The following TUT4 variants were observed in gnomAD, a reference collection of about 807,000 sequenced individuals.
TUT4 encodes the protein terminal uridylyltransferase 4.
TUT4 carries 36 observed loss-of-function variants against 192.2 expected under a neutral mutation model. That is an observed-to-expected ratio of 0.19 (90% CI 0.14 to 0.25). TUT4 has a LOEUF of 0.25. Among genes scored for constraint, TUT4 ranks in the 10% least tolerant of loss-of-function variants. The pLI is 1.00. For synonymous variants in TUT4, 618 were observed against 666.0 expected, an observed-to-expected ratio of 0.93 and a Z score of 1.11; for missense variants, 1,493 against 1,957.2, an observed-to-expected ratio of 0.76 and a Z score of 4.47.
At chr1:52,471,622 T>C (rs569021335) in intron 14 of TUT4, among the ~76,000 whole-genome samples, 23 of 152,250 alleles carry the variant, frequency 1.5e-4, no homozygotes, top group African/African-American at 5.1e-4. Flanking sequence ...ACTTGAGATA[T>C]GTCTAGTATA....
At chr1:52,533,963 C>T (rs770489776) in intron 1 of TUT4, among the ~76,000 whole-genome samples, 1 of 151,920 alleles carries the variant, frequency 6.6e-6, no homozygotes, top group Non-Finnish European at 1.5e-5. Context: ...GCGACTCAGT[C>T]TCAAAAAAAG....
chr1:52,486,085 A>G (rs1372460906), intron 9 of TUT4, among the ~76,000 whole-genome samples: 1 of 152,176 alleles, frequency 6.6e-6, no homozygotes, highest in African/African-American at 2.4e-5. Flanking sequence ...ACAAGGGTAA[A>G]CTGCCTAATG....
intron 20 of TUT4, among the ~76,000 whole-genome samples, chr1:52,448,022 C>T (rs1456481665): frequency 6.6e-6 from 1 of 152,126 alleles, no homozygotes; most frequent in Non-Finnish European, 1.5e-5. Flanking sequence ...CATGTCTGGC[C>T]CCTCCAATTT....
chr1:52,440,796 G>A (rs1455265174), intron 24 of TUT4, among the ~76,000 whole-genome samples: 2 of 152,086 alleles, frequency 1.3e-5, no homozygotes, highest in Non-Finnish European at 2.9e-5. Context: ...TGTAATATAC[G>A]TACTTACATA....
chr1:52,441,344 T>C (rs1054954207), intron 24 of TUT4, among the ~76,000 whole-genome samples: 6 of 149,900 alleles, frequency 4.0e-5, no homozygotes, highest in Non-Finnish European at 7.4e-5. Flanking sequence ...AGTGCAGTGC[T>C]GCAATCTCAG....
chr1:52,515,524 G>C, intron 3 of TUT4: 1 of 329,280 alleles, frequency 3.0e-6, no homozygotes, highest in Non-Finnish European at 5.5e-6. Flanking sequence ...TCCCATCGTA[G>C]CATGAAAGTA....
At chr1:52,440,433 G>GTTTTTTTTT (rs908687717) in intron 24 of TUT4, among the ~76,000 whole-genome samples, 1 of 110,186 alleles carries the variant, frequency 9.1e-6, no homozygotes, top group Non-Finnish European at 1.9e-5. Context: ...CCCATCCTGT[G>GTTTTTTTTT]TTTTTTTTTT....
chr1:52,542,920 T>C (rs947972291), intron 1 of TUT4, among the ~76,000 whole-genome samples: 1 of 152,042 alleles, frequency 6.6e-6, no homozygotes, highest in Admixed American at 6.6e-5. Flanking sequence ...TATGCCCAGC[T>C]AATTTTGTAT....
At chr1:52,536,941 G>A (rs530772208) in intron 1 of TUT4, among the ~76,000 whole-genome samples, 9 of 152,124 alleles carry the variant, frequency 5.9e-5, no homozygotes, top group Non-Finnish European at 8.8e-5. Flanking sequence ...CAAGGCAGGC[G>A]GATCATGAGG....
At chr1:52,488,802 T>C (rs1670446997) in intron 9 of TUT4, 107 bp downstream of exon 9, 6 of 1,183,704 alleles carry the variant, frequency 5.1e-6, no homozygotes, top group East Asian at 5.7e-5. Context: ...TTCTCCCACA[T>C]GTTATGATTG....
intron 28 of TUT4, among the ~76,000 whole-genome samples, chr1:52,430,026 GTTT>G (rs538665515): frequency 6.7e-6 from 1 of 149,896 alleles, no homozygotes; most frequent in Non-Finnish European, 1.5e-5. Flanking sequence ...TAAATATGCA[GTTT>G]TTTTTTAATG....
chr1:52,446,251 A>T lies in TUT4; in HGVS notation c.3691+14T>A. ...TTTTGGTTGCTCCTGAATTAATATCAGCTTAAATGTTACCTTCAATTGCAA... is the reference window on the plus strand; with the variant it reads ...TTTTGGTTGCTCCTGAATTAATATCTGCTTAAATGTTACCTTCAATTGCAA... On this transcript the variant is annotated intron_variant, in intron 22 of 29. Coordinates refer to ENST00000257177, the MANE Select transcript of TUT4 (RefSeq NM_001009881.3). 6.3e-7 allele frequency: 1 copy of T among 1,592,722 alleles called. No individual in the cohort carries two copies. The highest frequency in any genetic ancestry group is 8.5e-7 in the Non-Finnish European group (1 of 1,173,424).
chr1:52,539,218 G>C (rs1306261978), intron 1 of TUT4, among the ~76,000 whole-genome samples: 2 of 152,156 alleles, frequency 1.3e-5, no homozygotes, highest in Non-Finnish European at 2.9e-5. Flanking sequence ...TGAATGATAT[G>C]AATAGGAGCT....
rs368504595 is a variant in TUT4 at position 52,441,543 on chromosome 1, T to A, written c.3823-3208A>T. 6.7e-5 allele frequency among the ~76,000 whole-genome samples: 10 copies of A among 149,330 alleles called. No homozygotes were observed. The East Asian group carries it at 1.8e-3, about 27-fold the overall frequency. On this transcript the variant is annotated intron_variant, in intron 24 of 29. Transcript: ENST00000257177. ...CTCCTGACCTTGTGATCTGCCTGCC[T>A]CAGCCTCCCAAAGTGCTGGGATTAC...
At chr1:52,464,210 G>A (rs187114259) in intron 16 of TUT4, among the ~76,000 whole-genome samples, 3 of 152,034 alleles carry the variant, frequency 2.0e-5, no homozygotes, top group Admixed American at 6.5e-5. Flanking sequence ...TCTCCTCCCC[G>A]CCCAAAATGA....
chr1:52,518,754 A>G (rs1231780484), intron 2 of TUT4, among the ~76,000 whole-genome samples: 1 of 152,248 alleles, frequency 6.6e-6, no homozygotes, highest in Non-Finnish European at 1.5e-5. Flanking sequence ...AATATTTAGA[A>G]TAGGCAAATA....
Position 52,431,051 on chromosome 1 carries a change from G to A in TUT4, c.4673C>T (p.Pro1558Leu), listed in dbSNP as rs370028861. The A allele has an allele frequency of 1.7e-5, 27 of 1,601,936 alleles. No individual in the cohort carries two copies. The highest frequency in any genetic ancestry group is 2.3e-5 in the Non-Finnish European group (27 of 1,170,428). ...TGCACCACTGTTTACCAGGGAATTTGGAGCCACAGTACGGGGCCAGTGTCC... is the reference window on the plus strand; with the variant it reads ...TGCACCACTGTTTACCAGGGAATTTAGAGCCACAGTACGGGGCCAGTGTCC... ...HDGHWPRTVAPNSLVNSGAVG... is the reference protein window; with the variant it reads ...HDGHWPRTVALNSLVNSGAVG... Residue 1558 changes from proline to leucine, a missense_variant, in exon 28 of 30, where the codon CCA (proline) becomes CTA (leucine). Physicochemically the swap from Pro to Leu is moderately conservative, Grantham distance 98. Around this residue, in one of 7 missense-constraint regions of TUT4, gnomAD observed 351 missense variants for 397.8 expected, o/e 0.88. Coordinates refer to ENST00000257177, the MANE Select transcript of TUT4 (RefSeq NM_001009881.3).
chr1:52,463,564 T>C (rs565930259), intron 16 of TUT4: 5 of 1,243,312 alleles, frequency 4.0e-6, no homozygotes, highest in Non-Finnish European at 5.2e-6. Flanking sequence ...CTGACACCAC[T>C]ACAGATGCCA....
At chr1:52,424,089 T>C (rs1648961377) in intron 29 of TUT4, 87 bp from the exon 30 acceptor site, 1 of 1,337,338 alleles carries the variant, frequency 7.5e-7, no homozygotes, top group Non-Finnish European at 1.0e-6. Context: ...GTTAGCTTTC[T>C]TTTTTTCTAT....
Sources: gnomAD v4.1 joint callset for allele counts (sites outside exome capture counted in the v4.1 genomes callset) on GRCh38, gnomAD v4.1.1 for gene constraint, gnomAD v4.1.1 regional missense constraint, MANE v1.5 for transcripts, NCBI Gene and HGNC (gene_info 2026-07-23, HGNC 2026-07-21) for gene names.